The following STXBP6 variants were observed in gnomAD, a reference collection of about 807,000 sequenced individuals.
STXBP6 encodes the protein syntaxin-binding protein 6.
In STXBP6, 21 loss-of-function variants were observed where a neutral mutation model predicts 26.9. The observed-to-expected ratio is 0.78, with a 90% CI of 0.55 to 1.12. STXBP6 has a LOEUF of 1.12. Ranked by LOEUF, STXBP6 falls within the 50% of genes most tolerant of loss-of-function variation. The pLI, the probability that STXBP6 is intolerant of heterozygous loss-of-function variation, is 0.00. For synonymous variants in STXBP6, 97 were observed against 92.6 expected (o/e 1.05, Z -0.27); for missense variants, 232 against 257.9 (o/e 0.90, Z 0.69).
chr14:24,959,017 A>C (rs191324880), intron 2 of STXBP6, among the ~76,000 whole-genome samples: 1 of 152,318 alleles, frequency 6.6e-6, no homozygotes, highest in Admixed American at 6.5e-5. Context: ...TATCAACCCC[A>C]GTTATAATTA....
At chr14:24,821,889 G>T (rs1446578791) in intron 4 of STXBP6, among the ~76,000 whole-genome samples, 1 of 152,028 alleles carries the variant, frequency 6.6e-6, no homozygotes, top group African/African-American at 2.4e-5. Flanking sequence ...TATTGACTTA[G>T]ATCTTCTGCT....
intron 5 of STXBP6, chr14:24,815,572 A>G (rs2067949103): frequency 6.6e-6 from 1 of 151,930 alleles, no homozygotes; most frequent in Non-Finnish European, 1.5e-5. Flanking sequence ...AGAGGCAGCC[A>G]TTCCCTCGCA....
intron 4 of STXBP6, among the ~76,000 whole-genome samples, chr14:24,829,033 A>T (rs1367594288): frequency 6.6e-6 from 1 of 152,178 alleles, no homozygotes; most frequent in East Asian, 1.9e-4. Context: ...TCAAGTTTGA[A>T]TCACCTTGGG....
intron 1 of STXBP6, among the ~76,000 whole-genome samples, chr14:25,017,868 T>A (rs1387270821): frequency 6.9e-6 from 1 of 143,984 alleles, no homozygotes; most frequent in Non-Finnish European, 1.5e-5. Context: ...CTCAATTGCC[T>A]CACCCGTTGA....
chr14:24,893,741 C>T (rs998406330), intron 2 of STXBP6, among the ~76,000 whole-genome samples: 2 of 152,178 alleles, frequency 1.3e-5, no homozygotes, highest in African/African-American at 4.8e-5. Context: ...ATATGTACCT[C>T]CCATTAACAT....
intron 1 of STXBP6, among the ~76,000 whole-genome samples, chr14:25,039,669 C>T (rs2075610762): frequency 1.3e-5 from 2 of 151,880 alleles, no homozygotes; most frequent in Admixed American, 1.3e-4. Context: ...CGCAGAATCC[C>T]AAGACCCACC....
chr14:25,047,950 T>C (rs546949666), intron 1 of STXBP6, among the ~76,000 whole-genome samples: 1 of 152,338 alleles, frequency 6.6e-6, no homozygotes, highest in South Asian at 2.1e-4. Flanking sequence ...CCTAGGACTC[T>C]GAATGTTGAT....
intron 1 of STXBP6, among the ~76,000 whole-genome samples, chr14:25,040,843 C>T (rs1049542483): frequency 6.6e-6 from 1 of 152,148 alleles, no homozygotes. Context: ...TGTCTTCATT[C>T]AAGATTCCTG....
chr14:24,820,016 A>T (rs1448896732), intron 4 of STXBP6, among the ~76,000 whole-genome samples: 2 of 152,234 alleles, frequency 1.3e-5, no homozygotes, highest in Non-Finnish European at 2.9e-5. Context: ...TGCATTCCTG[A>T]CATCCCATTT....
At chr14:24,941,901 G>A (rs1348415712) in intron 2 of STXBP6, among the ~76,000 whole-genome samples, 1 of 152,194 alleles carries the variant, frequency 6.6e-6, no homozygotes, top group Non-Finnish European at 1.5e-5. Flanking sequence ...GCAGTTACAG[G>A]GCCTCACACA....
intron 2 of STXBP6, among the ~76,000 whole-genome samples, chr14:24,926,796 C>G (rs763066073): frequency 3.9e-5 from 6 of 152,030 alleles, no homozygotes; most frequent in Non-Finnish European, 8.8e-5. Context: ...CTTACTGGAC[C>G]TGGTTGCTCA....
chr14:25,048,067 G>C (rs1181489003), intron 1 of STXBP6, among the ~76,000 whole-genome samples: 1 of 152,180 alleles, frequency 6.6e-6, no homozygotes, highest in East Asian at 1.9e-4. Flanking sequence ...TTTGAGGATA[G>C]AGAAAGAAAA....
At chr14:25,032,872 G>C (rs769453389) in intron 1 of STXBP6, among the ~76,000 whole-genome samples, 1 of 152,174 alleles carries the variant, frequency 6.6e-6, no homozygotes, top group South Asian at 2.1e-4. Flanking sequence ...AAAATAACTT[G>C]TAAGTGCTTC....
intron 2 of STXBP6, among the ~76,000 whole-genome samples, chr14:24,882,846 T>C (rs913539938): frequency 6.6e-6 from 1 of 152,224 alleles, no homozygotes; most frequent in Non-Finnish European, 1.5e-5. Flanking sequence ...AATTTACGTA[T>C]CTAAAAGCTG....
At chr14:24,932,031 C>CA (rs879370008) in intron 2 of STXBP6, among the ~76,000 whole-genome samples, 134 of 150,580 alleles carry the variant, frequency 8.9e-4, no homozygotes, top group Non-Finnish European at 1.5e-3. Context: ...AAGAGGCCTT[C>CA]AAAAAAAAAG....
At chr14:25,016,646 C>A (rs539307886) in intron 1 of STXBP6, among the ~76,000 whole-genome samples, 2 of 152,128 alleles carry the variant, frequency 1.3e-5, no homozygotes, top group African/African-American at 2.4e-5. Context: ...ACAACTTTTA[C>A]GCAAAAGAAC....
At position 24,856,754 on chromosome 14, in the gene STXBP6, C is replaced by T. The variant is rs150273116; in HGVS notation, c.285+273G>A. ...TATTGATAACCATCGATATGATTAT[C>T]TGCACTCTGAACTTCGTACTTTGCT... On this transcript the variant is annotated intron_variant, in intron 3 of 5. Coordinates refer to ENST00000323944, the MANE Select transcript of STXBP6 (RefSeq NM_001394410.1). Among the ~76,000 whole-genome samples the T allele has an allele frequency of 7.1e-3, 1,081 of 151,580 alleles. 9 individuals are homozygous for T. The highest frequency in any genetic ancestry group is 0.011 in the Non-Finnish European group (722 of 67,874).
intron 1 of STXBP6, among the ~76,000 whole-genome samples, chr14:25,033,219 C>T (rs1243632970): frequency 6.6e-6 from 1 of 152,298 alleles, no homozygotes; most frequent in Non-Finnish European, 1.5e-5. Flanking sequence ...CTGGCATCTC[C>T]CTGTTTCTCA....
At chr14:24,972,490 A>G (rs925956762) in intron 2 of STXBP6, among the ~76,000 whole-genome samples, 5 of 152,248 alleles carry the variant, frequency 3.3e-5, no homozygotes, top group Non-Finnish European at 7.3e-5. Context: ...GCAAAATTCA[A>G]GTAGCTTCTA....
Sources: gnomAD v4.1 joint callset for allele counts (sites outside exome capture counted in the v4.1 genomes callset) on GRCh38, gnomAD v4.1.1 for gene constraint, MANE v1.5 for transcripts, NCBI Gene and HGNC (gene_info 2026-07-23, HGNC 2026-07-21) for gene names.